The following SMIM39 variants were observed in gnomAD, a reference collection of about 807,000 sequenced individuals.
SMIM39 encodes the protein small integral membrane protein 39.
Under a neutral mutation model 0.7 loss-of-function variants are expected in SMIM39, and 1 was observed. That is an observed-to-expected ratio of 1.34 (90% CI 0.48 to 6.38). The LOEUF (loss-of-function observed/expected upper bound fraction) is 6.38, where lower values mean the gene tolerates loss of function less well. Among genes scored for constraint, SMIM39 ranks in the 30% most tolerant of loss-of-function variants. The pLI, the probability that SMIM39 is intolerant of heterozygous loss-of-function variation, is 0.14. For synonymous variants in SMIM39, 31 were observed against 41.7 expected (o/e 0.74, Z 0.99); for missense variants, 68 against 75.7 (o/e 0.90, Z 0.38).
chr2:131,035,108 A>G (rs1308267629), exon 1 of SMIM39: 11 of 1,115,398 alleles, frequency 9.9e-6, no homozygotes, highest in Non-Finnish European at 1.2e-5. Flanking sequence ...AGGGCCCCGC[A>G]GCCCCGGCGC....
chr2:131,035,128 G>A (rs1690152365), exon 1 of SMIM39: 1 of 1,175,450 alleles, frequency 8.5e-7, no homozygotes. Context: ...CGGCCCCGCG[G>A]CGCCCGGGAA....
Position 131,035,118 on chromosome 2 carries a change from CG to C in SMIM39, c.29del (p.Gly10AlafsTer40). The C allele has an allele frequency of 8.7e-7, 1 of 1,149,384 alleles. No homozygotes were observed. The highest frequency in any genetic ancestry group is 1.1e-6 in the Non-Finnish European group (1 of 935,844). The allele number at this position is 1,149,384 out of a possible 1,614,324, so 71.2% of individuals were successfully genotyped here. Reference sequence around the variant, plus strand: ...TGGCGAGGGCCCCGCAGCCCCGGCGCGGCCCCGCGGCGCCCGGGAACGCCCT... The same window carrying C: ...TGGCGAGGGCCCCGCAGCCCCGGCGCGCCCCGCGGCGCCCGGGAACGCCCT... On this transcript the variant is annotated frameshift_variant, in exon 1 of 1. Coordinates refer to ENST00000635976, the Ensembl canonical transcript of SMIM39. LOFTEE classifies it high-confidence loss of function.
exon 1 of SMIM39, chr2:131,035,248 CTGG>C: frequency 8.2e-7 from 1 of 1,224,302 alleles, no homozygotes; most frequent in South Asian, 4.1e-5. Context: ...GATCTTCCTG[CTGG>C]CCTTCCGCTG....
chr2:131,035,239 A>G, exon 1 of SMIM39: 3 of 1,223,078 alleles, frequency 2.5e-6, no homozygotes, highest in Non-Finnish European at 3.1e-6. Context: ...CGTCGTACTG[A>G]TCTTCCTGCT....
chr2:131,035,099 G>T, exon 1 of SMIM39: 1 of 1,088,368 alleles, frequency 9.2e-7, no homozygotes, highest in Non-Finnish European at 1.1e-6. Flanking sequence ...GCCATGGCGA[G>T]GGCCCCGCAG....
chr2:131,035,138 ACGCCCTGCG>A (rs1183177523), exon 1 of SMIM39: 12 of 1,191,838 alleles, frequency 1.0e-5, no homozygotes, highest in Admixed American at 9.0e-5. Flanking sequence ...GCGCCCGGGA[ACGCCCTGCG>A]CGCCCTGCTG....
chr2:131,035,134 G>C, exon 1 of SMIM39: 1 of 1,188,294 alleles, frequency 8.4e-7, no homozygotes, highest in Non-Finnish European at 1.0e-6. Flanking sequence ...CGCGGCGCCC[G>C]GGAACGCCCT....
Sources: gnomAD v4.1 joint callset for allele counts on GRCh38, gnomAD v4.1.1 for gene constraint, MANE v1.5 for transcripts, NCBI Gene and HGNC (gene_info 2026-07-23, HGNC 2026-07-21) for gene names.